The following PRXL2B variants were observed in gnomAD, a reference collection of about 807,000 sequenced individuals.
PRXL2B encodes peroxiredoxin like 2B, also known as prostamide/prostaglandin F synthase.
PRXL2B carries 26 observed loss-of-function variants against 24.4 expected under a neutral mutation model. The ratio of observed to expected loss-of-function variants is 1.07; its 90% CI spans 0.78 to 1.48. PRXL2B has a LOEUF of 1.48. Ranked by LOEUF, PRXL2B falls within the 40% of genes most tolerant of loss-of-function variation. The pLI, the probability that PRXL2B is intolerant of heterozygous loss-of-function variation, is 0.00. For synonymous variants in PRXL2B, 115 were observed against 118.9 expected, an observed-to-expected ratio of 0.97 and a Z score of 0.21; for missense variants, 269 against 264.8, an observed-to-expected ratio of 1.02 and a Z score of -0.11.
upstream of PRXL2B, chr1:2,586,704 C>A: frequency 8.4e-7 from 1 of 1,197,302 alleles, no homozygotes; most frequent in Non-Finnish European, 1.0e-6. Flanking sequence ...GGGGCGGGCC[C>A]GGGGCGGAGA....
Position 2,586,885 on chromosome 1 carries a change from C to T in PRXL2B, c.-1C>T, listed in dbSNP as rs1376568440. On this transcript the variant is annotated 5_prime_UTR_variant, in exon 1 of 7. Coordinates refer to ENST00000419916, the MANE Select transcript of PRXL2B (RefSeq NM_152371.5). ...GGGAACCAGGGCTGGCAGCGGCCGC[C>T]ATGAGCACGGTGGACCTTGCTCGCG... 6.9e-6 allele frequency: 9 copies of T among 1,298,676 alleles called. No homozygotes were observed. The highest frequency in any genetic ancestry group is 1.5e-5 in the African/African-American group (1 of 65,572). 80.4% of individuals were successfully genotyped at this position (1,298,676 alleles called of 1,614,324 possible). A position where few individuals can be genotyped will look rare whatever the true frequency, so the allele number is the denominator to read the frequency against.
rs371507024 is a variant in PRXL2B at position 2,591,121 on chromosome 1, T to C, written c.*1694T>C. The C allele has an allele frequency of 1.4e-4, 202 of 1,470,368 alleles. No homozygotes were observed. The highest frequency in any genetic ancestry group is 1.5e-4 in the Non-Finnish European group (163 of 1,092,000). 91.1% of individuals were successfully genotyped at this position (1,470,368 alleles called of 1,614,324 possible). ...GTGGGTGGGTGTGACAGCAGGAGCA[T>C]TGCCATCTTGGACAAACATGGCCAT... is the stretch of plus-strand genomic sequence containing the variant. On this transcript the variant is annotated 3_prime_UTR_variant, in exon 7 of 7. Transcript: ENST00000419916.
chr1:2,590,970 A>G lies in PRXL2B; in HGVS notation c.*1543A>G, dbSNP rs1644679262. On this transcript the variant is annotated 3_prime_UTR_variant, in exon 7 of 7. Transcript: ENST00000419916. ...CGAGCAGCGGGTGGGCGTGGGCCGCACAGCGCGGCAGGGCCTTGGCTACCA... is the reference window on the plus strand; with the variant it reads ...CGAGCAGCGGGTGGGCGTGGGCCGCGCAGCGCGGCAGGGCCTTGGCTACCA... 3 of 1,522,348 alleles carry G rather than the reference A, an allele frequency of 2.0e-6. No individual in the cohort carries two copies. The highest frequency in any genetic ancestry group is 2.6e-6 in the Non-Finnish European group (3 of 1,132,690). The allele number at this position is 1,522,348 out of a possible 1,614,324, so 94.3% of individuals were successfully genotyped here. A position where few individuals can be genotyped will look rare whatever the true frequency, so the allele number is the denominator to read the frequency against.
At chr1:2,586,617 AG>A (rs1263178127), upstream of PRXL2B, 2 of 691,944 alleles carry the variant, frequency 2.9e-6, no homozygotes, top group African/African-American at 2.1e-5. Context: ...AGGCGGGACT[AG>A]GGGCGAATCC....
At position 2,588,379 on chromosome 1, in the gene PRXL2B, T is replaced by C. The variant is rs752701930; in HGVS notation, c.321-11T>C. The C allele has an allele frequency of 1.9e-6, 3 of 1,614,140 alleles. No individual in the cohort carries two copies. Among genetic ancestry groups the C allele is most frequent in the Non-Finnish European group, 2.5e-6 (3 of 1,180,036 alleles). Reference sequence around the variant, plus strand: ...TCCGGAGTTTGGCCAAGCGACCTGGTGTCTTCGCAGGTACAACAGCCTGAG... The same window carrying C: ...TCCGGAGTTTGGCCAAGCGACCTGGCGTCTTCGCAGGTACAACAGCCTGAG... On this transcript the variant is annotated splice_polypyrimidine_tract_variant and intron_variant, in intron 3 of 6. Coordinates refer to ENST00000419916, the MANE Select transcript of PRXL2B (RefSeq NM_152371.5).
Position 2,587,357 on chromosome 1 carries a change from G to A in PRXL2B, c.268+62G>A. 1 of 1,506,616 alleles carries A rather than the reference G, an allele frequency of 6.6e-7. No individual in the cohort carries two copies. The allele number at this position is 1,506,616 out of a possible 1,614,324, so 93.3% of individuals were successfully genotyped here. On this transcript the variant is annotated intron_variant, in intron 2 of 6. Transcript: ENST00000419916. The surrounding 1 kb of genome is among the most constrained non-coding windows in gnomAD (Gnocchi z 6.1). ...CTTCCCTAAGCTCAGGGCGTTCGGG[G>A]CCCTTTCCTGCCCAACCCCGGCCCT...
At position 2,589,519 on chromosome 1, in the gene PRXL2B, G is replaced by T. The variant is rs575971412; in HGVS notation, c.*92G>T. ...CACTTGGAAGAACTGTTCCGGAGGCGCTGGGTCGGGATGCCGAACCTCTCC... is the reference window on the plus strand; with the variant it reads ...CACTTGGAAGAACTGTTCCGGAGGCTCTGGGTCGGGATGCCGAACCTCTCC... On this transcript the variant is annotated 3_prime_UTR_variant, in exon 7 of 7. Transcript: ENST00000419916. The T allele has an allele frequency of 8.2e-6, 13 of 1,584,864 alleles. No homozygotes were observed. The South Asian group carries it at 1.3e-4, about 16-fold the overall frequency.
intron 4 of PRXL2B, 46 bp downstream of exon 4, chr1:2,588,499 C>T (rs1464780491): frequency 6.2e-7 from 1 of 1,613,694 alleles, no homozygotes; most frequent in East Asian, 2.2e-5. Flanking sequence ...GGTGGGAGCT[C>T]CCAGGAGCCT....
rs774398441 is a variant in PRXL2B, at chr1:2,588,564, C to T, written c.399C>T (p.Gly133=). The change falls in exon 5 of 7, where the codon GGC becomes GGT. Residue 133 remains glycine (G), a synonymous_variant. Coordinates refer to ENST00000419916, the MANE Select transcript of PRXL2B (RefSeq NM_152371.5). ...ACTCCTGACAGGCCAAGGCTGTTGGCATCCAGGGGAACTTGTCTGGGGACC... is the reference window on the plus strand; with the variant it reads ...ACTCCTGACAGGCCAAGGCTGTTGGTATCCAGGGGAACTTGTCTGGGGACC... ...RDVAAKAKAV[G]IQGNLSGDLL... 3 of 1,614,150 alleles carry T rather than the reference C, an allele frequency of 1.9e-6. No individual in the cohort carries two copies. Among genetic ancestry groups the T allele is most frequent in the South Asian group, 2.2e-5 (2 of 91,090 alleles).
rs1644563228 is a variant in PRXL2B at position 2,587,776 on chromosome 1, G to A, written c.304G>A (p.Glu102Lys). Reference sequence around the variant, plus strand: ...GGATGAGAGCAAGCAGCTTTACAAGGAGCTAGGCTTCAAGCGGTGAGTGGG... The same window carrying A: ...GGATGAGAGCAAGCAGCTTTACAAGAAGCTAGGCTTCAAGCGGTGAGTGGG... ...YLDESKQLYK[E>K]LGFKRYNSLS... Residue 102 changes from glutamate to lysine, a missense_variant, in exon 3 of 7, where the codon GAG (glutamate) becomes AAG (lysine). Glu to Lys is a moderately conservative substitution (Grantham distance 56). Transcript: ENST00000419916. The surrounding 1 kb of genome is among the most constrained non-coding windows in gnomAD (Gnocchi z 6.1). The A allele has an allele frequency of 6.2e-7, 1 of 1,602,494 alleles. No individual in the cohort carries two copies. The highest frequency in any genetic ancestry group is 8.5e-7 in the Non-Finnish European group (1 of 1,174,906).
Position 2,586,908 on chromosome 1 carries a change from G to A in PRXL2B, c.23G>A (p.Arg8His). Residue 8 changes from arginine to histidine, a missense_variant, in exon 1 of 7, where the codon CGC (arginine) becomes CAC (histidine). Physicochemically the swap from Arg to His is conservative, Grantham distance 29. Coordinates refer to ENST00000419916, the MANE Select transcript of PRXL2B (RefSeq NM_152371.5). Reference protein sequence around the residue: MSTVDLARVGACILKHAV... With the variant: MSTVDLAHVGACILKHAV... Reference sequence around the variant, plus strand: ...GCCATGAGCACGGTGGACCTTGCTCGCGTGGGCGCGTGCATCCTGAAGCAT... The same window carrying A: ...GCCATGAGCACGGTGGACCTTGCTCACGTGGGCGCGTGCATCCTGAAGCAT... The A allele has an allele frequency of 7.6e-7, 1 of 1,311,030 alleles. No individual in the cohort carries two copies. The highest frequency in any genetic ancestry group is 4.0e-5 in the Admixed American group (1 of 25,242). The allele number at this position is 1,311,030 out of a possible 1,614,324, so 81.2% of individuals were successfully genotyped here. A position where few individuals can be genotyped will look rare whatever the true frequency, so the allele number is the denominator to read the frequency against.
rs1644694646 is a variant in PRXL2B at position 2,591,249 on chromosome 1, C to T, written c.*1822C>T. On this transcript the variant is annotated 3_prime_UTR_variant, in exon 7 of 7. Transcript: ENST00000419916. ...ACCATGAGATAAACCCCCATCTGACCAGAAACATGCCAATCCTGAGAATAA... is the reference window on the plus strand; with the variant it reads ...ACCATGAGATAAACCCCCATCTGACTAGAAACATGCCAATCCTGAGAATAA... 1.7e-6 allele frequency: 1 copy of T among 602,354 alleles called. No individual in the cohort carries two copies. Among genetic ancestry groups the T allele is most frequent in the Non-Finnish European group, 2.9e-6 (1 of 343,408 alleles). The allele number at this position is 602,354 out of a possible 1,614,324, so 37.3% of individuals were successfully genotyped here.
At chr1:2,588,801 T>C (rs1240286012) in intron 5 of PRXL2B, 121 bp from the exon 6 acceptor site, 1 of 1,211,380 alleles carries the variant, frequency 8.3e-7, no homozygotes, top group Non-Finnish European at 1.2e-6. Context: ...AGCTCACTCA[T>C]CTGGGTAGCC....
rs1264879449 is a variant in PRXL2B at position 2,589,546 on chromosome 1, G to A, written c.*119G>A. On this transcript the variant is annotated 3_prime_UTR_variant, in exon 7 of 7. Transcript: ENST00000419916. ...TGGGTCGGGATGCCGAACCTCTCCT[G>A]ATCCGCCGGCAGCAACGAGCCATTA... The A allele has an allele frequency of 7.0e-5, 99 of 1,420,414 alleles. No individual in the cohort carries two copies. The South Asian group carries it at 9.6e-4, about 14-fold the overall frequency. The allele number at this position is 1,420,414 out of a possible 1,614,324, so 88.0% of individuals were successfully genotyped here.
chr1:2,591,000 C>A lies in PRXL2B; in HGVS notation c.*1573C>A, dbSNP rs564401130. 1 of 1,590,980 alleles carries A rather than the reference C, an allele frequency of 6.3e-7. No individual in the cohort carries two copies. The highest frequency in any genetic ancestry group is 1.1e-5 in the South Asian group (1 of 87,156). On this transcript the variant is annotated 3_prime_UTR_variant, in exon 7 of 7. Coordinates refer to ENST00000419916, the MANE Select transcript of PRXL2B (RefSeq NM_152371.5). ...GCGGCAGGGCCTTGGCTACCACACG[C>A]GGCATCGCTCCTTGGGGTGCATGGG...
chr1:2,587,792 G>T lies in PRXL2B; in HGVS notation c.320G>T (p.Arg107Leu). ...KQLYKELGFKRYNSLSILPAA... is the reference protein window; with the variant it reads ...KQLYKELGFKLYNSLSILPAA... ...CTTTACAAGGAGCTAGGCTTCAAGC[G>T]GTGAGTGGGGGCGGGAACCCTTGGG... The change falls in exon 3 of 7, where the codon CGG becomes CTG. Residue 107 changes from arginine (R) to leucine (L), a missense_variant and splice_region_variant. Physicochemically the swap from Arg to Leu is moderately radical, Grantham distance 102 (BLOSUM62 -2). Coordinates refer to ENST00000419916, the MANE Select transcript of PRXL2B (RefSeq NM_152371.5). This position sits in a 1 kb window ranked among gnomAD's most constrained non-coding sequence, Gnocchi z 6.1. The T allele has an allele frequency of 6.2e-7, 1 of 1,600,548 alleles. No individual in the cohort carries two copies. Among genetic ancestry groups the T allele is most frequent in the Non-Finnish European group, 8.5e-7 (1 of 1,174,026 alleles).
chr1:2,590,893 G>T lies in PRXL2B; in HGVS notation c.*1466G>T. 1.0e-6 allele frequency: 1 copy of T among 988,894 alleles called. No homozygotes were observed. The highest frequency in any genetic ancestry group is 1.4e-6 in the Non-Finnish European group (1 of 734,866). 61.3% of individuals were successfully genotyped at this position (988,894 alleles called of 1,614,324 possible). ...CAGGCAGGCTTGGCATGGTTGGCCG[G>T]GGCGGGACGTACACTGGGTCGCCGC... On this transcript the variant is annotated 3_prime_UTR_variant, in exon 7 of 7. Coordinates refer to ENST00000419916, the MANE Select transcript of PRXL2B (RefSeq NM_152371.5).
At position 2,591,438 on chromosome 1, in the gene PRXL2B, T is replaced by A. The variant is rs1229639362; in HGVS notation, c.*2011T>A. The stretch of plus-strand genomic sequence containing the variant: ...CGGCCAGAAGCCCCTCTCAGGTTTA[T>A]TCCCAAAATAAACCTGTCTCTGTTG... On this transcript the variant is annotated 3_prime_UTR_variant, in exon 7 of 7. Transcript: ENST00000419916. The A allele has an allele frequency of 9.7e-6, 8 of 824,844 alleles. No individual in the cohort carries two copies. Among genetic ancestry groups the A allele is most frequent in the Non-Finnish European group, 1.6e-5 (8 of 484,930 alleles). The allele number at this position is 824,844 out of a possible 1,614,324, so 51.1% of individuals were successfully genotyped here.
upstream of PRXL2B, chr1:2,586,765 G>A (rs1184535712): frequency 1.8e-5 from 22 of 1,241,192 alleles, no homozygotes; most frequent in Non-Finnish European, 2.1e-5. Flanking sequence ...CGGGACCGGG[G>A]CATCTCGGGG....
Sources: allele counts gnomAD v4.1 joint callset, GRCh38; gene constraint gnomAD v4.1.1; non-coding constraint Gnocchi (gnomAD v3.1); transcripts MANE v1.5; gene names NCBI Gene and HGNC (gene_info 2026-07-23, HGNC 2026-07-21).